RGS20: variants seen among roughly 807,000 people sequenced by gnomAD.
RGS20 encodes the protein gz-selective GTPase-activating protein.
Under a neutral mutation model 33.6 loss-of-function variants are expected in RGS20, and 30 were observed. The observed-to-expected ratio is 0.89, with a 90% CI of 0.67 to 1.21. The LOEUF (loss-of-function observed/expected upper bound fraction) is 1.21, where lower values mean the gene tolerates loss of function less well. Ranked by LOEUF, RGS20 falls within the 50% of genes most tolerant of loss-of-function variation. The pLI is 0.00. For synonymous variants in RGS20, 208 were observed against 197.9 expected, an observed-to-expected ratio of 1.05 and a Z score of -0.43; for missense variants, 472 against 502.4, an observed-to-expected ratio of 0.94 and a Z score of 0.58.
At chr8:53,882,953 CA>C (rs1056350547) in intron 2 of RGS20, among the ~76,000 whole-genome samples, 6 of 152,194 alleles carry the variant, frequency 3.9e-5, no homozygotes, top group Non-Finnish European at 1.5e-5. Context: ...ATTGACTAAA[CA>C]AATGTTCAAA....
At chr8:53,880,617 C>G (rs2129274262) in intron 2 of RGS20, among the ~76,000 whole-genome samples, 1 of 152,342 alleles carries the variant, frequency 6.6e-6, no homozygotes, top group East Asian at 1.9e-4. Context: ...CTCGGCCCCG[C>G]GCGCCGAGGG....
At chr8:53,957,519 C>T (rs1814902205) in intron 5 of RGS20, among the ~76,000 whole-genome samples, 1 of 152,264 alleles carries the variant, frequency 6.6e-6, no homozygotes, top group African/African-American at 2.4e-5. Flanking sequence ...GCACTCATCC[C>T]CAGAGCCCTG....
chr8:53,865,720 C>G (rs941951518), intron 1 of RGS20, among the ~76,000 whole-genome samples: 11 of 152,198 alleles, frequency 7.2e-5, no homozygotes, highest in African/African-American at 2.7e-4. Context: ...TGTTCTCATG[C>G]CTCAGCCTCC....
At chr8:53,920,589 T>C (rs556157686) in intron 2 of RGS20, among the ~76,000 whole-genome samples, 2 of 152,270 alleles carry the variant, frequency 1.3e-5, no homozygotes, top group African/African-American at 4.8e-5. Context: ...GTGGTAAAAG[T>C]AGATTTTTTT....
chr8:53,928,557 C>G (rs1813865523), intron 2 of RGS20, among the ~76,000 whole-genome samples: 2 of 152,158 alleles, frequency 1.3e-5, no homozygotes, highest in Non-Finnish European at 2.9e-5. Flanking sequence ...GGCGCGGTGG[C>G]TTACATGTGG....
intron 2 of RGS20, among the ~76,000 whole-genome samples, chr8:53,939,286 CGT>C (rs961181342): frequency 5.3e-5 from 8 of 152,144 alleles, no homozygotes; most frequent in Admixed American, 3.9e-4. Context: ...GTCTTCAGTG[CGT>C]GTGTCTCTGT....
chr8:53,889,568 G>T (rs1387045403), intron 2 of RGS20, among the ~76,000 whole-genome samples: 1 of 151,124 alleles, frequency 6.6e-6, no homozygotes, highest in Admixed American at 6.6e-5. Flanking sequence ...TGGATATTGG[G>T]AAGGGGTAGA....
chr8:53,856,716 A>C (rs1164205139), intron 1 of RGS20, among the ~76,000 whole-genome samples: 10 of 152,168 alleles, frequency 6.6e-5, no homozygotes, highest in Non-Finnish European at 1.5e-4. Context: ...TTCTTTCTTA[A>C]TTATAAACAT....
chr8:53,954,987 C>T (rs1284781519), intron 5 of RGS20, among the ~76,000 whole-genome samples: 1 of 151,386 alleles, frequency 6.6e-6, no homozygotes, highest in Admixed American at 6.6e-5. Flanking sequence ...TGCCCGGCCT[C>T]GCCATTACTT....
At chr8:53,863,283 G>A (rs549112292) in intron 1 of RGS20, among the ~76,000 whole-genome samples, 6 of 152,128 alleles carry the variant, frequency 3.9e-5, no homozygotes, top group East Asian at 3.9e-4. Context: ...CACAGCGCCC[G>A]GCCATGACAT....
intron 3 of RGS20, among the ~76,000 whole-genome samples, chr8:53,941,383 C>T (rs535298891): frequency 6.6e-5 from 10 of 152,190 alleles, no homozygotes; most frequent in Non-Finnish European, 1.2e-4. Flanking sequence ...GAAGGCCAAC[C>T]GAGTTTACTG....
intron 2 of RGS20, among the ~76,000 whole-genome samples, chr8:53,929,347 C>T (rs1295679919): frequency 6.6e-6 from 1 of 152,110 alleles, no homozygotes; most frequent in East Asian, 1.9e-4. Flanking sequence ...AAAATGTATA[C>T]AATTCCAGAG....
chr8:53,951,420 T>C (rs1814705998), intron 4 of RGS20, among the ~76,000 whole-genome samples: 1 of 151,830 alleles, frequency 6.6e-6, no homozygotes, highest in South Asian at 2.1e-4. Flanking sequence ...GCCCAGGAGG[T>C]TGAGGCTGCA....
In RGS20 at chr8:53,958,374, CAG is replaced by C; in HGVS notation, c.1087_1088del (p.Asp363LeufsTer12). On this transcript the variant is annotated frameshift_variant, in exon 6 of 6. Transcript: ENST00000297313. LOFTEE classifies it high-confidence loss of function. ...AACTTCAGATTTACACCCTGATGCA[CAG>C]AGACTCATATCCTCGATTCATGAAC... The C allele has an allele frequency of 5.6e-6, 9 of 1,613,816 alleles. No individual in the cohort carries two copies. The highest frequency in any genetic ancestry group is 7.6e-6 in the Non-Finnish European group (9 of 1,179,802).
At chr8:53,878,577 C>T (rs1404670281) in intron 1 of RGS20, among the ~76,000 whole-genome samples, 2 of 152,168 alleles carry the variant, frequency 1.3e-5, no homozygotes, top group African/African-American at 4.8e-5. Context: ...AGTAGCAGCC[C>T]TAACATGGAA....
chr8:53,923,211 C>T (rs544896956), intron 2 of RGS20, among the ~76,000 whole-genome samples: 15 of 152,206 alleles, frequency 9.9e-5, no homozygotes, highest in African/African-American at 3.4e-4. Flanking sequence ...GGATTACAGG[C>T]GTGAGCCACC....
chr8:53,884,968 C>T (rs751056911), intron 2 of RGS20, among the ~76,000 whole-genome samples: 8 of 152,178 alleles, frequency 5.3e-5, no homozygotes, highest in Non-Finnish European at 1.2e-4. Flanking sequence ...CTATTAATCT[C>T]CTGTAGCAGT....
At chr8:53,889,299 A>C (rs1464128329) in intron 2 of RGS20, among the ~76,000 whole-genome samples, 1 of 151,094 alleles carries the variant, frequency 6.6e-6, no homozygotes, top group Non-Finnish European at 1.5e-5. Context: ...TAATGATGTT[A>C]AGCATCTTCT....
intron 5 of RGS20, among the ~76,000 whole-genome samples, chr8:53,955,864 A>T (rs1814850663): frequency 6.6e-6 from 1 of 152,134 alleles, no homozygotes; most frequent in African/African-American, 2.4e-5. Context: ...AAAATTTAGG[A>T]GGTCAGATTG....
Sources: allele counts gnomAD v4.1 joint callset (sites outside exome capture counted in the v4.1 genomes callset), GRCh38; gene constraint gnomAD v4.1.1; transcripts MANE v1.5; gene names NCBI Gene and HGNC (gene_info 2026-07-23, HGNC 2026-07-21).